The following PSD2 variants were observed in gnomAD, a reference collection of about 807,000 sequenced individuals.
PSD2 encodes the protein PH and SEC7 domain-containing protein 2.
PSD2 carries 38 observed loss-of-function variants against 69.8 expected under a neutral mutation model. The ratio of observed to expected loss-of-function variants is 0.54; its 90% CI spans 0.42 to 0.71. The LOEUF (loss-of-function observed/expected upper bound fraction) is 0.71, where lower values mean the gene tolerates loss of function less well. PSD2 is among the 30% of genes least tolerant of loss of function. The pLI is 0.00. For synonymous variants in PSD2, 412 were observed against 423.0 expected (o/e 0.97, Z 0.32); for missense variants, 943 against 1,014.5 (o/e 0.93, Z 0.96).
At chr5:139,805,773 G>A (rs557433411) in intron 1 of PSD2, among the ~76,000 whole-genome samples, 2 of 152,318 alleles carry the variant, frequency 1.3e-5, no homozygotes, top group East Asian at 3.9e-4. Context: ...CGGAAAGAAG[G>A]CCACTGTGGC....
the PSD2 span, among the ~76,000 whole-genome samples, chr5:139,770,434 A>C: frequency 5.9e-5 from 9 of 152,230 alleles, no homozygotes; most frequent in African/African-American, 2.2e-4. Flanking sequence ...CAGGCGGACT[A>C]TAATCCCAGC....
At chr5:139,789,985 G>GCAC in the PSD2 span, among the ~76,000 whole-genome samples, 1 of 151,864 alleles carries the variant, frequency 6.6e-6, no homozygotes, top group Non-Finnish European at 1.5e-5. Context: ...GCAGAGAGCA[G>GCAC]CACGGGGCCG....
At chr5:139,764,983 G>A in the PSD2 span, among the ~76,000 whole-genome samples, 1 of 152,100 alleles carries the variant, frequency 6.6e-6, no homozygotes, top group African/African-American at 2.4e-5. Context: ...GGGCTTCAGT[G>A]TGACCCCAGT....
intron 1 of PSD2, among the ~76,000 whole-genome samples, chr5:139,804,995 GTC>G (rs1341085140): frequency 7.3e-5 from 11 of 151,062 alleles, no homozygotes; most frequent in South Asian, 6.3e-4. Flanking sequence ...GCATGTGTGT[GTC>G]TCTGTGTGTG....
chr5:139,814,160 C>A lies in PSD2; in HGVS notation c.822-10C>A, dbSNP rs1233560590. The A allele has an allele frequency of 2.5e-6, 4 of 1,610,602 alleles. No individual in the cohort carries two copies. Among genetic ancestry groups the A allele is most frequent in the Non-Finnish European group, 2.5e-6 (3 of 1,178,804 alleles). On this transcript the variant is annotated splice_polypyrimidine_tract_variant and intron_variant, in intron 3 of 14. Coordinates refer to ENST00000274710, the MANE Select transcript of PSD2 (RefSeq NM_032289.4). This position sits in a 1 kb window ranked among gnomAD's most constrained non-coding sequence, Gnocchi z 4.4. ...CTGACGCTACTCTTCCACCCACCTT[C>A]CATCTGCAGTGACCCCAGCCTGAAG...
chr5:139,832,359 T>C (rs1385294679), intron 7 of PSD2, among the ~76,000 whole-genome samples: 3 of 152,222 alleles, frequency 2.0e-5, no homozygotes, highest in Non-Finnish European at 2.9e-5. Flanking sequence ...TATCAAGGCA[T>C]ACATAGGATC....
At chr5:139,788,045 C>CT in the PSD2 span, among the ~76,000 whole-genome samples, 8 of 152,236 alleles carry the variant, frequency 5.3e-5, no homozygotes, top group Non-Finnish European at 7.3e-5. Flanking sequence ...CCTGTATTCG[C>CT]TTCCTTTCAG....
At chr5:139,774,697 G>A in the PSD2 span, among the ~76,000 whole-genome samples, 2 of 152,072 alleles carry the variant, frequency 1.3e-5, no homozygotes, top group Non-Finnish European at 2.9e-5. Context: ...TCACCATGTT[G>A]GTCAGGCTGG....
At chr5:139,784,658 G>A in the PSD2 span, among the ~76,000 whole-genome samples, 3 of 151,992 alleles carry the variant, frequency 2.0e-5, no homozygotes, top group African/African-American at 7.3e-5. Context: ...CTCCTTGCTG[G>A]TCCATGAACA....
At chr5:139,752,501 ACAC>A in the PSD2 span, among the ~76,000 whole-genome samples, 61 of 152,136 alleles carry the variant, frequency 4.0e-4, 1 homozygote, top group Non-Finnish European at 7.9e-4. Context: ...TCCAACACAC[ACAC>A]AAGTGCACAC....
chr5:139,814,297 C>T lies in PSD2; in HGVS notation c.949C>T (p.Leu317=). The change falls in exon 4 of 15, where the codon CTG becomes TTG. Residue 317 remains leucine, a synonymous_variant. Transcript: ENST00000274710. This position sits in a 1 kb window ranked among gnomAD's most constrained non-coding sequence, Gnocchi z 4.4. The part of the protein sequence containing the change: ...CQGVSEAAHR[L]ARRLYHLEGF... The stretch of plus-strand genomic sequence containing the variant: ...GGGGGTCAGTGAAGCTGCTCATCGG[C>T]TGGCACGCCGTCTCTACCACCTCGA... 2 of 1,613,590 alleles carry T rather than the reference C, an allele frequency of 1.2e-6. No homozygotes were observed. The highest frequency in any genetic ancestry group is 1.1e-5 in the South Asian group (1 of 91,006).
chr5:139,749,851 AAAAC>A, the PSD2 span, among the ~76,000 whole-genome samples: 2 of 111,000 alleles, frequency 1.8e-5, no homozygotes, highest in Non-Finnish European at 3.9e-5. Flanking sequence ...CAAACAAACA[AAAAC>A]AAACAAACAA....
intron 4 of PSD2, among the ~76,000 whole-genome samples, chr5:139,816,701 C>T (rs1760129289): frequency 6.6e-6 from 1 of 152,268 alleles, no homozygotes; most frequent in African/African-American, 2.4e-5. Flanking sequence ...ACACACCCCA[C>T]CTCTGGCTGC....
At position 139,814,072 on chromosome 5, in the gene PSD2, AC is replaced by A. The variant is rs1760050920; in HGVS notation, c.822-97del. On this transcript the variant is annotated intron_variant, in intron 3 of 14. Transcript: ENST00000274710. The surrounding 1 kb of genome is among the most constrained non-coding windows in gnomAD (Gnocchi z 4.4). ...AGCTTCTTTCCCTGTTCTGGCCCCTACATGGTTTGCAGTGGCCTGGGGAAAC... is the reference window on the plus strand; with the variant it reads ...AGCTTCTTTCCCTGTTCTGGCCCCTAATGGTTTGCAGTGGCCTGGGGAAAC... 8.6e-7 allele frequency: 1 copy of A among 1,157,996 alleles called. No individual in the cohort carries two copies. The highest frequency in any genetic ancestry group is 1.6e-5 in the African/African-American group (1 of 64,038). 71.7% of individuals were successfully genotyped at this position (1,157,996 alleles called of 1,614,324 possible). A position where few individuals can be genotyped will look rare whatever the true frequency, so the allele number is the denominator to read the frequency against.
the PSD2 span, among the ~76,000 whole-genome samples, chr5:139,754,889 A>T: frequency 6.6e-6 from 1 of 152,084 alleles, no homozygotes; most frequent in Non-Finnish European, 1.5e-5. Flanking sequence ...AAACAAAAAC[A>T]AAAACAGAGG....
chr5:139,829,588 A>G (rs1217587513), intron 7 of PSD2, among the ~76,000 whole-genome samples: 1 of 152,220 alleles, frequency 6.6e-6, no homozygotes, highest in Non-Finnish European at 1.5e-5. Context: ...GGGATCACAC[A>G]ATATGTGGCC....
At chr5:139,769,899 G>A in the PSD2 span, among the ~76,000 whole-genome samples, 3 of 152,232 alleles carry the variant, frequency 2.0e-5, no homozygotes, top group Non-Finnish European at 2.9e-5. Context: ...TGCTCACCAG[G>A]GCCTGCTTAC....
chr5:139,765,835 G>T, the PSD2 span, among the ~76,000 whole-genome samples: 1 of 152,244 alleles, frequency 6.6e-6, no homozygotes, highest in African/African-American at 2.4e-5. Flanking sequence ...CGCCGCCACC[G>T]CCGCCGTCGT....
rs1581744922 is a variant in PSD2, at chr5:139,842,377, A to C, written c.2219A>C (p.Asp740Ala). 1.2e-6 allele frequency: 2 copies of C among 1,614,046 alleles called. No homozygotes were observed. The highest frequency in any genetic ancestry group is 1.1e-5 in the South Asian group (1 of 91,074). The change falls in exon 15 of 15, where the codon GAC (aspartate) becomes GCC (alanine). Residue 740 changes from aspartate (D) to alanine (A), a missense_variant. Asp to Ala is a moderately radical substitution (Grantham distance 126, BLOSUM62 -2). This residue lies in a region of PSD2 where 165 missense variants were observed against 168.8 expected (regional missense o/e 0.98). Coordinates refer to ENST00000274710, the MANE Select transcript of PSD2 (RefSeq NM_032289.4). ...EARLATLEGD[D>A]PSLRKTHSSP... ...CGGCTGGCCACTCTGGAAGGGGATG[A>C]CCCTTCTCTCCGGAAGACACATTCA... is the stretch of plus-strand genomic sequence containing the variant.
Sources: allele counts gnomAD v4.1 joint callset (sites outside exome capture counted in the v4.1 genomes callset), GRCh38; gene constraint gnomAD v4.1.1; regional missense constraint gnomAD v4.1.1; non-coding constraint Gnocchi (gnomAD v3.1); transcripts MANE v1.5; gene names NCBI Gene and HGNC (gene_info 2026-07-23, HGNC 2026-07-21).